TXNDC8: variants seen among roughly 807,000 people sequenced by gnomAD.
TXNDC8 encodes the protein thioredoxin domain-containing protein 8.
A neutral mutation model predicts 12.9 loss-of-function variants in TXNDC8; 15 were observed. The observed-to-expected ratio is 1.16, with a 90% CI of 0.78 to 1.79. TXNDC8 has a LOEUF of 1.79. TXNDC8 is among the 40% of genes most tolerant of loss of function. TXNDC8 has a pLI of 0.00. For synonymous variants in TXNDC8, 40 were observed against 35.4 expected (o/e 1.13, Z -0.46); for missense variants, 128 against 113.2 (o/e 1.13, Z -0.59).
At chr9:110,316,456 A>C (rs894425120) in intron 3 of TXNDC8, among the ~76,000 whole-genome samples, 1 of 152,090 alleles carries the variant, frequency 6.6e-6, no homozygotes, top group African/African-American at 2.4e-5. Flanking sequence ...ATCACGTTGC[A>C]GGTATTTGAA....
At chr9:110,323,806 A>G in intron 3 of TXNDC8, 2 of 1,513,742 alleles carry the variant, frequency 1.3e-6, no homozygotes. Flanking sequence ...ACATGGTGAC[A>G]AGCTGTAGTA....
chr9:110,322,084 T>G (rs529535411), intron 3 of TXNDC8, among the ~76,000 whole-genome samples: 1 of 152,294 alleles, frequency 6.6e-6, no homozygotes, highest in African/African-American at 2.4e-5. Flanking sequence ...TCAAATTATA[T>G]CTAAATTGAT....
intron 1 of TXNDC8, among the ~76,000 whole-genome samples, chr9:110,336,536 G>A (rs970980231): frequency 6.6e-6 from 1 of 152,088 alleles, no homozygotes; most frequent in African/African-American, 2.4e-5. Context: ...TATCTGAAGG[G>A]AATACTCTCA....
chr9:110,303,457 A>G (rs1158078181), downstream of TXNDC8: 14 of 1,487,670 alleles, frequency 9.4e-6, no homozygotes, highest in African/African-American at 1.4e-5. Context: ...TGGAAATGAA[A>G]GCACAAACAC....
rs935737556 is a variant in TXNDC8, at chr9:110,313,656, G to A, written c.196-9124C>T. Among the ~76,000 whole-genome samples the A allele has an allele frequency of 8.6e-5, 13 of 151,718 alleles. No homozygotes were observed. The South Asian group carries it at 1.2e-3, about 14-fold the overall frequency. The stretch of plus-strand genomic sequence containing the variant: ...GTGGAGGTTGCAGTGAGCCGAGACC[G>A]TGCCCCTGACTCCAGCCTGGTTGAT... On this transcript the variant is annotated intron_variant, in intron 3 of 4. Transcript: ENST00000423740.
chr9:110,321,495 A>G (rs1293773796), intron 3 of TXNDC8, among the ~76,000 whole-genome samples: 1 of 152,224 alleles, frequency 6.6e-6, no homozygotes, highest in Non-Finnish European at 1.5e-5. Flanking sequence ...AATGTAAGAC[A>G]TTTCTTGTAA....
At chr9:110,302,903 A>C (rs920928921), downstream of TXNDC8, among the ~76,000 whole-genome samples, 3 of 152,166 alleles carry the variant, frequency 2.0e-5, no homozygotes, top group Non-Finnish European at 4.4e-5. Flanking sequence ...GTTTCTACTA[A>C]AAACACAAAA....
At chr9:110,311,520 G>GATAT (rs1564095989) in intron 3 of TXNDC8, among the ~76,000 whole-genome samples, 14 of 16,536 alleles carry the variant, frequency 8.5e-4, no homozygotes, top group African/African-American at 1.5e-3. Flanking sequence ...AAAATAAAGA[G>GATAT]GTATATATAT....
chr9:110,320,310 T>G (rs1350578497), intron 3 of TXNDC8, among the ~76,000 whole-genome samples: 3 of 152,142 alleles, frequency 2.0e-5, no homozygotes, highest in Non-Finnish European at 2.9e-5. Context: ...TCCTGTGCTA[T>G]TCTCGTGATA....
intron 3 of TXNDC8, among the ~76,000 whole-genome samples, chr9:110,320,387 C>A (rs2118799960): frequency 6.6e-6 from 1 of 152,286 alleles, no homozygotes; most frequent in South Asian, 2.1e-4. Flanking sequence ...ACCCTCTTGC[C>A]TGCCATCATA....
intron 3 of TXNDC8, among the ~76,000 whole-genome samples, chr9:110,305,865 T>C (rs377186331): frequency 0.11 from 10,934 of 103,688 alleles, 526 homozygotes; most frequent in Middle Eastern, 0.15. Context: ...CTTTTTCTTT[T>C]CTTTTCTTTT....
intron 2 of TXNDC8, 63 bp from the exon 4 acceptor site, chr9:110,326,303 GTTA>G: frequency 8.3e-6 from 13 of 1,558,616 alleles, no homozygotes; most frequent in Non-Finnish European, 1.1e-5. Flanking sequence ...TACCAAGCAT[GTTA>G]TTTGGTAACT....
intron 2 of TXNDC8, among the ~76,000 whole-genome samples, chr9:110,333,967 T>C (rs1278880268): frequency 6.6e-6 from 1 of 152,218 alleles, no homozygotes; most frequent in Non-Finnish European, 1.5e-5. Flanking sequence ...ATTTGTACAA[T>C]TGGACTCCTT....
At chr9:110,335,401 C>T (rs1169425633) in intron 1 of TXNDC8, among the ~76,000 whole-genome samples, 1 of 152,032 alleles carries the variant, frequency 6.6e-6, no homozygotes, top group Non-Finnish European at 1.5e-5. Context: ...CCCGCCCAGC[C>T]TGCGTGTCTT....
chr9:110,335,945 TG>T (rs558582550), intron 1 of TXNDC8, among the ~76,000 whole-genome samples: 69 of 152,306 alleles, frequency 4.5e-4, no homozygotes, highest in Non-Finnish European at 8.7e-4. Flanking sequence ...CCACATGTCA[TG>T]GGAGAGACCT....
intron 3 of TXNDC8, among the ~76,000 whole-genome samples, chr9:110,325,063 G>A (rs941233945): frequency 6.6e-6 from 1 of 152,132 alleles, no homozygotes; most frequent in African/African-American, 2.4e-5. Flanking sequence ...AGTGAGCTGA[G>A]ATGGGGAGAT....
At position 110,306,789 on chromosome 9, in the gene TXNDC8, A is replaced by G. The variant is rs941477447; in HGVS notation, c.196-2257T>C. On this transcript the variant is annotated intron_variant, in intron 3 of 4. Coordinates refer to ENST00000423740, the MANE Select transcript of TXNDC8 (RefSeq NM_001286946.2). ...CACTTGCTATTCTTAACTATCCCTC[A>G]AGATGGTTTGAGTAACTCATAGAGC... Among the ~76,000 whole-genome samples, 15 of 152,214 alleles carry G rather than the reference A, an allele frequency of 9.9e-5. No homozygotes were observed. In the South Asian group the frequency reaches 3.1e-3, roughly 32 times the overall value.
At chr9:110,321,601 G>A (rs776333836) in intron 3 of TXNDC8, among the ~76,000 whole-genome samples, 8 of 152,140 alleles carry the variant, frequency 5.3e-5, no homozygotes, top group Non-Finnish European at 8.8e-5. Flanking sequence ...TTTCAGTTGC[G>A]CTGTCCCAGA....
At chr9:110,319,592 T>G (rs1034408358) in intron 3 of TXNDC8, among the ~76,000 whole-genome samples, 2 of 152,240 alleles carry the variant, frequency 1.3e-5, no homozygotes, top group African/African-American at 4.8e-5. Flanking sequence ...CCTGCAGTTG[T>G]CTGACTCTAT....
Sources: gnomAD v4.1 joint callset for allele counts (sites outside exome capture counted in the v4.1 genomes callset) on GRCh38, gnomAD v4.1.1 for gene constraint, MANE v1.5 for transcripts, NCBI Gene and HGNC (gene_info 2026-07-23, HGNC 2026-07-21) for gene names.